The following FHIT variants were observed in gnomAD, a reference collection of about 807,000 sequenced individuals.
The protein encoded by FHIT is fragile histidine triad diadenosine triphosphatase, also known as bis(5'-adenosyl)-triphosphatase.
A neutral mutation model predicts 17.9 loss-of-function variants in FHIT; 19 were observed. That is an observed-to-expected ratio of 1.06 (90% CI 0.74 to 1.56). The LOEUF is 1.56. FHIT is among the 40% of genes most tolerant of loss of function. The probability of loss-of-function intolerance (pLI) is 0.00; values close to 1 mark genes in which losing one functional copy is unlikely to be tolerated. For missense variants in FHIT, 248 were observed against 189.2 expected (o/e 1.31, Z -1.82); for synonymous variants, 81 against 69.7 (o/e 1.16, Z -0.81).
At chr3:60,038,544 G>A (rs540621622) in intron 5 of FHIT, among the ~76,000 whole-genome samples, 17 of 152,220 alleles carry the variant, frequency 1.1e-4, no homozygotes, top group Non-Finnish European at 1.8e-4. Context: ...TGCATGAAAC[G>A]CTTGATAGTT....
chr3:60,032,262 C>A (rs1236498023), intron 5 of FHIT, among the ~76,000 whole-genome samples: 1 of 151,882 alleles, frequency 6.6e-6, no homozygotes, highest in Non-Finnish European at 1.5e-5. Context: ...GAGTTTCAAT[C>A]CAGCCTGGGC....
intron 2 of FHIT, among the ~76,000 whole-genome samples, chr3:61,104,737 C>T (rs1002971515): frequency 6.6e-6 from 1 of 152,148 alleles, no homozygotes; most frequent in South Asian, 2.1e-4. Flanking sequence ...TTCACATAAT[C>T]CCATATTTCT....
chr3:61,111,691 C>T (rs962253877), intron 2 of FHIT, among the ~76,000 whole-genome samples: 2 of 152,154 alleles, frequency 1.3e-5, no homozygotes, highest in Non-Finnish European at 2.9e-5. Flanking sequence ...TCACATTTGC[C>T]CAGTTCAGCC....
At chr3:60,818,957 A>G (rs1701828177) in intron 4 of FHIT, among the ~76,000 whole-genome samples, 1 of 151,752 alleles carries the variant, frequency 6.6e-6, no homozygotes, top group African/African-American at 2.4e-5. Context: ...TTTGAATTTC[A>G]GCTCCCCTCC....
At chr3:60,338,998 C>T (rs1710381119) in intron 5 of FHIT, among the ~76,000 whole-genome samples, 1 of 152,030 alleles carries the variant, frequency 6.6e-6, no homozygotes, top group Non-Finnish European at 1.5e-5. Context: ...AAGGAGGGGA[C>T]CCACAGAAGA....
chr3:61,215,588 C>T (rs1047536537), intron 1 of FHIT, among the ~76,000 whole-genome samples: 19 of 152,116 alleles, frequency 1.2e-4, no homozygotes, highest in Admixed American at 2.0e-4. Context: ...TTTATAGATT[C>T]AATGCCATCC....
intron 4 of FHIT, among the ~76,000 whole-genome samples, chr3:60,561,421 T>A (rs944717715): frequency 1.3e-5 from 2 of 152,108 alleles, no homozygotes; most frequent in Admixed American, 1.3e-4. Context: ...CAAGTCGCTA[T>A]TGATAGAATA....
chr3:61,209,600 G>A (rs991416947), intron 1 of FHIT, among the ~76,000 whole-genome samples: 26 of 151,860 alleles, frequency 1.7e-4, no homozygotes, highest in Non-Finnish European at 2.2e-4. Context: ...CCAGTTGATC[G>A]CATCGGCTAC....
chr3:59,918,880 GA>G (rs749712463), intron 8 of FHIT, among the ~76,000 whole-genome samples: 16 of 152,168 alleles, frequency 1.1e-4, no homozygotes, highest in Non-Finnish European at 2.2e-4. Context: ...AAACACATGT[GA>G]AGAGGCAAGC....
intron 5 of FHIT, among the ~76,000 whole-genome samples, chr3:60,249,500 G>A (rs1434637442): frequency 6.6e-6 from 1 of 151,872 alleles, no homozygotes; most frequent in East Asian, 1.9e-4. Context: ...CTCAGGGGAT[G>A]AGTGAGAGAT....
At chr3:60,860,271 GAGAT>G (rs1559778458) in intron 3 of FHIT, among the ~76,000 whole-genome samples, 3 of 137,036 alleles carry the variant, frequency 2.2e-5, no homozygotes, top group Non-Finnish European at 1.6e-5. Flanking sequence ...ATGTATACAT[GAGAT>G]ACATCATATG....
intron 5 of FHIT, among the ~76,000 whole-genome samples, chr3:60,290,622 C>A (rs1458855639): frequency 2.0e-5 from 3 of 152,198 alleles, no homozygotes; most frequent in South Asian, 2.1e-4. Flanking sequence ...CAGACCTTAT[C>A]AAGGAAAGGT....
At chr3:60,324,812 G>A (rs932820024) in intron 5 of FHIT, among the ~76,000 whole-genome samples, 22 of 152,156 alleles carry the variant, frequency 1.4e-4, no homozygotes, top group African/African-American at 4.8e-4. Flanking sequence ...TTACTTGGCT[G>A]ATGATATACC....
chr3:60,622,150 C>T (rs149331003), intron 4 of FHIT, among the ~76,000 whole-genome samples: 1 of 152,100 alleles, frequency 6.6e-6, no homozygotes, highest in Non-Finnish European at 1.5e-5. Flanking sequence ...CCCGGGCAAG[C>T]CTCCATGTCT....
intron 3 of FHIT, among the ~76,000 whole-genome samples, chr3:61,020,795 T>C (rs529534069): frequency 6.6e-6 from 1 of 152,252 alleles, no homozygotes; most frequent in Admixed American, 6.5e-5. Context: ...ACCCATCTTA[T>C]GTGCAAAGAC....
intron 3 of FHIT, among the ~76,000 whole-genome samples, chr3:61,021,758 T>C (rs2032449881): frequency 1.3e-5 from 2 of 151,924 alleles, no homozygotes; most frequent in Non-Finnish European, 2.9e-5. Context: ...GGTTAAATAA[T>C]GAAATTAAGG....
chr3:60,386,510 A>C (rs910563587), intron 5 of FHIT, among the ~76,000 whole-genome samples: 2 of 152,126 alleles, frequency 1.3e-5, no homozygotes, highest in Non-Finnish European at 2.9e-5. Flanking sequence ...TTTCAATAGA[A>C]ACCGCTGACT....
At chr3:60,117,000 T>C (rs554209732) in intron 5 of FHIT, among the ~76,000 whole-genome samples, 1 of 152,152 alleles carries the variant, frequency 6.6e-6, no homozygotes, top group Non-Finnish European at 1.5e-5. Context: ...ATAATTGTTA[T>C]TAAATACATC....
At chr3:59,856,378 T>C (rs1702157712) in intron 8 of FHIT, among the ~76,000 whole-genome samples, 1 of 152,202 alleles carries the variant, frequency 6.6e-6, no homozygotes, top group Non-Finnish European at 1.5e-5. Flanking sequence ...TTTTTCCCAA[T>C]GTTCAAGGAA....
Sources: gnomAD v4.1 joint callset for allele counts (sites outside exome capture counted in the v4.1 genomes callset) on GRCh38, gnomAD v4.1.1 for gene constraint, MANE v1.5 for transcripts, NCBI Gene and HGNC (gene_info 2026-07-23, HGNC 2026-07-21) for gene names.